ZNRF3: variants seen among roughly 807,000 people sequenced by gnomAD.
The protein encoded by ZNRF3 is zinc and ring finger 3, also known as E3 ubiquitin-protein ligase ZNRF3.
Under a neutral mutation model 72.5 loss-of-function variants are expected in ZNRF3, and 23 were observed. The ratio of observed to expected loss-of-function variants is 0.32; its 90% CI spans 0.23 to 0.45. The LOEUF is 0.45. Among genes scored for constraint, ZNRF3 ranks in the 20% least tolerant of loss-of-function variants. The pLI is 1.00. For synonymous variants in ZNRF3, 610 were observed against 545.3 expected (o/e 1.12, Z -1.65); for missense variants, 1,169 against 1,272.1 (o/e 0.92, Z 1.23).
intron 2 of ZNRF3, among the ~76,000 whole-genome samples, chr22:29,004,747 G>A (rs1894535112): frequency 6.6e-6 from 1 of 152,172 alleles, no homozygotes; most frequent in Non-Finnish European, 1.5e-5. Flanking sequence ...GGAGGAGGGC[G>A]GGTGGCGGCT....
chr22:29,033,831 C>A (rs1318060547), intron 2 of ZNRF3, among the ~76,000 whole-genome samples: 1 of 152,178 alleles, frequency 6.6e-6, no homozygotes, highest in African/African-American at 2.4e-5. Context: ...GTATGAAGAG[C>A]AGGCCCATGG....
chr22:28,968,973 A>G (rs1245404702), intron 1 of ZNRF3, among the ~76,000 whole-genome samples: 4 of 152,324 alleles, frequency 2.6e-5, no homozygotes, highest in African/African-American at 9.6e-5. Flanking sequence ...CAGGACCACC[A>G]GGACATACAG....
At chr22:28,982,562 C>A (rs1275169596) in intron 1 of ZNRF3, among the ~76,000 whole-genome samples, 1 of 148,096 alleles carries the variant, frequency 6.8e-6, no homozygotes, top group East Asian at 2.0e-4. Flanking sequence ...CAAGACCCTG[C>A]CTTTAAAAAA....
intron 1 of ZNRF3, among the ~76,000 whole-genome samples, chr22:28,939,823 T>G (rs1025204689): frequency 2.0e-5 from 3 of 152,024 alleles, no homozygotes; most frequent in African/African-American, 7.3e-5. Flanking sequence ...TTTTGAAGAG[T>G]TTTTTTCACC....
At chr22:28,934,382 T>C (rs946033952) in intron 1 of ZNRF3, among the ~76,000 whole-genome samples, 2 of 152,240 alleles carry the variant, frequency 1.3e-5, no homozygotes, top group Admixed American at 1.3e-4. Flanking sequence ...CTCAACTCTC[T>C]TGGACTTAAA....
At chr22:28,966,867 C>CTTTTTTTTTTTTT (rs530036984) in intron 1 of ZNRF3, among the ~76,000 whole-genome samples, 11 of 102,432 alleles carry the variant, frequency 1.1e-4, no homozygotes, top group African/African-American at 3.2e-4. Flanking sequence ...TTTTAAAAAT[C>CTTTTTTTTTTTTT]TTTTTTTTTT....
intron 1 of ZNRF3, among the ~76,000 whole-genome samples, chr22:28,886,945 GAC>G (rs758846520): frequency 9.2e-5 from 14 of 151,952 alleles, no homozygotes; most frequent in Non-Finnish European, 1.9e-4. Flanking sequence ...AACAGAGCGA[GAC>G]ACTCTCTCAA....
chr22:29,052,607 C>T (rs1358187108), intron 8 of ZNRF3, among the ~76,000 whole-genome samples: 3 of 151,628 alleles, frequency 2.0e-5, no homozygotes, highest in East Asian at 1.9e-4. Flanking sequence ...GCAGGAGAAT[C>T]GCTTGAACCC....
At position 29,049,150 on chromosome 22, in the gene ZNRF3, C is replaced by T. The variant is rs763204372; in HGVS notation, c.1016-47C>T. The T allele has an allele frequency of 6.6e-6, 10 of 1,518,922 alleles. No individual in the cohort carries two copies. The highest frequency in any genetic ancestry group is 3.9e-5 in the South Asian group (3 of 77,564). 94.1% of individuals were successfully genotyped at this position (1,518,922 alleles called of 1,614,324 possible). A position where few individuals can be genotyped will look rare whatever the true frequency, so the allele number is the denominator to read the frequency against. On this transcript the variant is annotated intron_variant, in intron 7 of 8. Transcript: ENST00000544604. The surrounding 1 kb of genome is among the most constrained non-coding windows in gnomAD (Gnocchi z 5.2). ...TTAAAAATCCCTTTAGCCTCTGACA[C>T]CAGTATGCTCAGCCCTGCCTACTCT...
chr22:28,971,581 C>T (rs775461842), intron 1 of ZNRF3, among the ~76,000 whole-genome samples: 3 of 152,148 alleles, frequency 2.0e-5, no homozygotes, highest in Non-Finnish European at 4.4e-5. Context: ...TTAAGGACAT[C>T]GACTTGTGCC....
At chr22:28,932,733 G>A (rs897377165) in intron 1 of ZNRF3, among the ~76,000 whole-genome samples, 9 of 152,174 alleles carry the variant, frequency 5.9e-5, no homozygotes, top group African/African-American at 1.9e-4. Flanking sequence ...TACTGGCCAT[G>A]GTTGGCTCTC....
At chr22:28,947,196 A>G (rs1009809052) in intron 1 of ZNRF3, among the ~76,000 whole-genome samples, 3 of 151,978 alleles carry the variant, frequency 2.0e-5, no homozygotes, top group Non-Finnish European at 4.4e-5. Flanking sequence ...ATAACTTGCT[A>G]TCAGCCATGT....
intron 1 of ZNRF3, among the ~76,000 whole-genome samples, chr22:28,985,207 A>G (rs2035834840): frequency 6.6e-6 from 1 of 152,056 alleles, no homozygotes; most frequent in South Asian, 2.1e-4. Context: ...TTCAGTGCAC[A>G]ATCTTCTGCC....
chr22:28,890,430 G>A (rs1192464371), intron 1 of ZNRF3, among the ~76,000 whole-genome samples: 3 of 152,192 alleles, frequency 2.0e-5, no homozygotes, highest in Non-Finnish European at 4.4e-5. Flanking sequence ...AACCCAGGAG[G>A]TGGAGGTTAC....
chr22:28,935,988 G>C (rs2034812042), intron 1 of ZNRF3, among the ~76,000 whole-genome samples: 1 of 152,108 alleles, frequency 6.6e-6, no homozygotes, highest in Non-Finnish European at 1.5e-5. Context: ...TCTGTGATGT[G>C]AGAGGAGTTC....
chr22:28,894,338 C>CTTTT (rs139430), intron 1 of ZNRF3, among the ~76,000 whole-genome samples: 4 of 139,326 alleles, frequency 2.9e-5, no homozygotes, highest in East Asian at 2.1e-4. Flanking sequence ...AAAATACTGG[C>CTTTT]TTTTTTTTTT....
chr22:29,048,276 G>A lies in ZNRF3; in HGVS notation c.913-113G>A, dbSNP rs2037111638. 3 of 755,306 alleles carry A rather than the reference G, an allele frequency of 4.0e-6. No homozygotes were observed. The highest frequency in any genetic ancestry group is 6.6e-6 in the Non-Finnish European group (3 of 457,878). The allele number at this position is 755,306 out of a possible 1,614,324, so 46.8% of individuals were successfully genotyped here. On this transcript the variant is annotated intron_variant, in intron 6 of 8. Transcript: ENST00000544604. This position sits in a 1 kb window ranked among gnomAD's most constrained non-coding sequence, Gnocchi z 4.9. ...GCCCTAATTGGAGGTGGGGAGGAGA[G>A]TAGGGAAGGGCACGGGCATGCTGTG...
At chr22:28,893,562 A>G (rs1286295184) in intron 1 of ZNRF3, among the ~76,000 whole-genome samples, 1 of 147,492 alleles carries the variant, frequency 6.8e-6, no homozygotes, top group Non-Finnish European at 1.5e-5. Context: ...CAGTGGCGTG[A>G]TCTTGGCTCC....
At chr22:29,051,228 C>A (rs148040203) in intron 8 of ZNRF3, among the ~76,000 whole-genome samples, 2 of 152,208 alleles carry the variant, frequency 1.3e-5, no homozygotes, top group South Asian at 4.2e-4. Context: ...GCTCCCCATC[C>A]GCATGCTCAC....
Sources: gnomAD v4.1 joint callset for allele counts (sites outside exome capture counted in the v4.1 genomes callset) on GRCh38, gnomAD v4.1.1 for gene constraint, Gnocchi (gnomAD v3.1) non-coding constraint, MANE v1.5 for transcripts, NCBI Gene and HGNC (gene_info 2026-07-23, HGNC 2026-07-21) for gene names.